Variants in EYS observed in about 807,000 individuals in gnomAD.
EYS encodes the protein protein eyes shut homolog.
Under a neutral mutation model 282.1 loss-of-function variants are expected in EYS, and 250 were observed. That is an observed-to-expected ratio of 0.89 (90% CI 0.80 to 0.98). The LOEUF is 0.98. Ranked by LOEUF, EYS falls within the 50% of genes least tolerant of loss-of-function variation. The pLI is 0.00. For synonymous variants in EYS, 1,355 were observed against 1,282.9 expected, an observed-to-expected ratio of 1.06 and a Z score of -1.20; for missense variants, 4,016 against 3,709.0, an observed-to-expected ratio of 1.08 and a Z score of -2.15.
intron 11 of EYS, among the ~76,000 whole-genome samples, chr6:65,313,468 G>A (rs1358923128): frequency 6.6e-6 from 1 of 151,420 alleles, no homozygotes; most frequent in African/African-American, 2.4e-5. Context: ...TCACAGCTGA[G>A]CTCCTGATCT....
intron 12 of EYS, among the ~76,000 whole-genome samples, chr6:65,229,586 T>C (rs1031708558): frequency 1.3e-5 from 2 of 151,930 alleles, no homozygotes; most frequent in African/African-American, 4.8e-5. Context: ...TTCTCTAATG[T>C]AAGAGAAGAC....
chr6:64,662,770 A>G (rs1182091859), intron 22 of EYS, among the ~76,000 whole-genome samples: 2 of 152,110 alleles, frequency 1.3e-5, no homozygotes, highest in African/African-American at 4.8e-5. Flanking sequence ...TTTTTGTTTT[A>G]TAAATGAGAA....
chr6:65,578,139 A>C (rs1381766575), intron 2 of EYS, among the ~76,000 whole-genome samples: 1 of 151,778 alleles, frequency 6.6e-6, no homozygotes, highest in Non-Finnish European at 1.5e-5. Context: ...CACTTTTTGC[A>C]GCACTAGTCA....
At chr6:65,355,818 T>C (rs1300951847) in intron 8 of EYS, among the ~76,000 whole-genome samples, 1 of 151,884 alleles carries the variant, frequency 6.6e-6, no homozygotes, top group East Asian at 1.9e-4. Flanking sequence ...TATTAAAAAG[T>C]CAAAAAACAA....
intron 28 of EYS, among the ~76,000 whole-genome samples, chr6:64,395,956 G>T (rs1228949662): frequency 6.6e-6 from 1 of 151,806 alleles, no homozygotes; most frequent in African/African-American, 2.4e-5. Flanking sequence ...AAAGGATAAA[G>T]CTCTATGAAA....
intron 35 of EYS, among the ~76,000 whole-genome samples, chr6:63,948,070 A>C (rs965667429): frequency 1.2e-4 from 18 of 152,210 alleles, no homozygotes; most frequent in African/African-American, 4.3e-4. Context: ...ATGATGCAAA[A>C]ACACCTCAAC....
At chr6:65,640,444 T>C (rs1318098062) in intron 1 of EYS, among the ~76,000 whole-genome samples, 1 of 152,200 alleles carries the variant, frequency 6.6e-6, no homozygotes, top group East Asian at 1.9e-4. Context: ...TTAGGAAACT[T>C]TTTAATACAT....
At chr6:65,147,211 G>A (rs1428076439) in intron 12 of EYS, among the ~76,000 whole-genome samples, 1 of 151,824 alleles carries the variant, frequency 6.6e-6, no homozygotes, top group Admixed American at 6.6e-5. Flanking sequence ...CTGTAGCCAA[G>A]CACATGACAA....
rs764408548 is a variant in EYS at position 64,971,179 on chromosome 6, C to T, written c.2260-25265G>A. Among the ~76,000 whole-genome samples, 171 of 151,966 alleles carry T rather than the reference C, an allele frequency of 1.1e-3. 10 individuals carry two copies. Among genetic ancestry groups the T allele is most frequent in the Non-Finnish European group, 5.1e-4 (35 of 68,004 alleles). ...TTTGGCTTAATACATTTCAAGATAA[C>T]AGGAGAAGCAGCTTCTGCTGCCCAA... is the stretch of plus-strand genomic sequence containing the variant. On this transcript the variant is annotated intron_variant, in intron 14 of 42. Coordinates refer to ENST00000503581, the MANE Select transcript of EYS (RefSeq NM_001142800.2).
chr6:64,392,045 G>A (rs1773171525), intron 28 of EYS, among the ~76,000 whole-genome samples: 1 of 151,892 alleles, frequency 6.6e-6, no homozygotes. Flanking sequence ...TTACATAATG[G>A]TAAAGGGATC....
chr6:65,498,020 C>T (rs192942090), intron 2 of EYS, among the ~76,000 whole-genome samples: 4 of 151,912 alleles, frequency 2.6e-5, no homozygotes, highest in Admixed American at 1.3e-4. Flanking sequence ...AGTACAGAGG[C>T]AATACAAATA....
intron 15 of EYS, among the ~76,000 whole-genome samples, chr6:64,934,944 AAC>A (rs894339720): frequency 1.3e-5 from 2 of 151,836 alleles, no homozygotes; most frequent in African/African-American, 4.8e-5. Context: ...CCATAATTAT[AAC>A]AGTTTGTTGA....
chr6:64,153,397 C>T (rs529236444), intron 31 of EYS, among the ~76,000 whole-genome samples: 45 of 152,044 alleles, frequency 3.0e-4, no homozygotes, highest in Non-Finnish European at 5.6e-4. Context: ...TATGGAAGGC[C>T]CCTAGCCCAA....
chr6:65,464,637 A>G (rs77360870), intron 5 of EYS, among the ~76,000 whole-genome samples: 2,916 of 152,150 alleles, frequency 0.019, 71 homozygotes, highest in African/African-American at 0.057. Context: ...CCTCTAAACC[A>G]TCTCCTCTCC....
chr6:64,368,734 T>C (rs970087026), intron 29 of EYS, among the ~76,000 whole-genome samples: 1 of 152,200 alleles, frequency 6.6e-6, no homozygotes, highest in Non-Finnish European at 1.5e-5. Context: ...TTCATGTCCT[T>C]TGCCCATTTT....
chr6:63,939,413 TG>T (rs1765168476), intron 35 of EYS, among the ~76,000 whole-genome samples: 1 of 152,188 alleles, frequency 6.6e-6, no homozygotes, highest in South Asian at 2.1e-4. Flanking sequence ...TTAACGGGGT[TG>T]GGAAAGTGTT....
intron 24 of EYS, among the ~76,000 whole-genome samples, chr6:64,596,202 A>G (rs1453025586): frequency 6.6e-6 from 1 of 151,976 alleles, no homozygotes; most frequent in Non-Finnish European, 1.5e-5. Context: ...TCCTCCCCCC[A>G]GGCCACATCT....
In EYS at chr6:64,649,546, G is replaced by T. The variant is rs187576131; in HGVS notation, c.3444-23301C>A. Among the ~76,000 whole-genome samples, 20 of 152,170 alleles carry T rather than the reference G, an allele frequency of 1.3e-4. No individual in the cohort carries two copies. In the East Asian group the frequency reaches 3.9e-3, roughly 30 times the overall value. ...GTAGAGATGGGGTTTCACAATGTTG[G>T]TCAGGATGGTCTTCAACTCCTAACC... On this transcript the variant is annotated intron_variant, in intron 22 of 42. Coordinates refer to ENST00000503581, the MANE Select transcript of EYS (RefSeq NM_001142800.2).
intron 24 of EYS, among the ~76,000 whole-genome samples, chr6:64,597,851 GC>G (rs1467209978): frequency 2.6e-5 from 4 of 152,040 alleles, no homozygotes; most frequent in Non-Finnish European, 5.9e-5. Flanking sequence ...CACTTGTAAC[GC>G]TTAATTTGAT....
Sources: gnomAD v4.1 joint callset for allele counts (sites outside exome capture counted in the v4.1 genomes callset) on GRCh38, gnomAD v4.1.1 for gene constraint, MANE v1.5 for transcripts, NCBI Gene and HGNC (gene_info 2026-07-23, HGNC 2026-07-21) for gene names.